PCDHA1: variants seen among roughly 807,000 people sequenced by gnomAD.
PCDHA1 encodes the protein protocadherin alpha-1.
In PCDHA1, 42 loss-of-function variants were observed where a neutral mutation model predicts 61.3. That is an observed-to-expected ratio of 0.69 (90% confidence interval 0.54 to 0.89). PCDHA1 has a LOEUF of 0.89. Among genes scored for constraint, PCDHA1 ranks in the 40% least tolerant of loss-of-function variants. The pLI, the probability that PCDHA1 is intolerant of heterozygous loss-of-function variation, is 0.00. For synonymous variants in PCDHA1, 610 were observed against 553.8 expected (o/e 1.10, Z -1.43); for missense variants, 1,256 against 1,235.3 (o/e 1.02, Z -0.25).
intron 1 of PCDHA1, chr5:140,858,397 CG>C (rs1314612729): frequency 2.5e-6 from 4 of 1,573,068 alleles, no homozygotes; most frequent in African/African-American, 2.7e-5. Context: ...TAGATGTGGA[CG>C]GGGAAGATCA....
Position 140,836,082 on chromosome 5 carries a change from G to A in PCDHA1, c.2394+47398G>A, listed in dbSNP as rs2150252202. On this transcript the variant is annotated intron_variant, in intron 1 of 3. Transcript: ENST00000504120. ...GAACGACAACGCGCCGGCACTGCTG[G>A]CGCCTCGGGTGGGTGGCACTGGTGG... 3.1e-6 allele frequency: 5 copies of A among 1,613,608 alleles called. No homozygotes were observed. The African/African-American group carries it at 5.3e-5, about 17-fold the overall frequency.
chr5:140,787,909 C>A lies in PCDHA1; in HGVS notation c.1619C>A (p.Ala540Glu), dbSNP rs1761411855. 1.2e-5 allele frequency: 19 copies of A among 1,613,468 alleles called. No homozygotes were observed. The highest frequency in any genetic ancestry group is 2.2e-5 in the South Asian group (2 of 91,062). The change falls in exon 1 of 4, where the codon GCG (alanine) becomes GAG (glutamate). Residue 540 changes from alanine (A) to glutamate (E), a missense_variant. Physicochemically the swap from Ala to Glu is moderately radical, Grantham distance 107 (BLOSUM62 -1). Transcript: ENST00000504120. ...CAGTTCCAGGTGAGCGCGCGGGATGCGGGCGTGCCGCCTCTGGGCAGCAAC... is the reference window on the plus strand; with the variant it reads ...CAGTTCCAGGTGAGCGCGCGGGATGAGGGCGTGCCGCCTCTGGGCAGCAAC... ...LLQFQVSARD[A>E]GVPPLGSNVT...
chr5:140,919,201 A>AT (rs1328020690), intron 1 of PCDHA1, among the ~76,000 whole-genome samples: 1 of 152,202 alleles, frequency 6.6e-6, no homozygotes. Flanking sequence ...TTTTGTCATT[A>AT]TAAAATGTCC....
At chr5:141,002,357 C>G (rs2098075744) in intron 3 of PCDHA1, among the ~76,000 whole-genome samples, 2 of 152,246 alleles carry the variant, frequency 1.3e-5, no homozygotes, top group Admixed American at 6.5e-5. Flanking sequence ...ACCTCCACTC[C>G]TTTCAACTCA....
intron 2 of PCDHA1, among the ~76,000 whole-genome samples, chr5:140,981,854 C>T (rs2096954295): frequency 6.6e-6 from 1 of 152,132 alleles, no homozygotes; most frequent in South Asian, 2.1e-4. Flanking sequence ...GTATCTCACT[C>T]CCAGCAATGT....
At chr5:140,906,589 C>T (rs2072764004) in intron 1 of PCDHA1, among the ~76,000 whole-genome samples, 1 of 152,220 alleles carries the variant, frequency 6.6e-6, no homozygotes, top group South Asian at 2.1e-4. Context: ...TGACTACCTT[C>T]CTCTACTACT....
intron 1 of PCDHA1, among the ~76,000 whole-genome samples, chr5:140,937,624 A>G (rs2091636613): frequency 6.6e-6 from 1 of 150,778 alleles, no homozygotes; most frequent in Non-Finnish European, 1.5e-5. Context: ...CTAAAAAGAA[A>G]AAGAAAGGCA....
chr5:140,861,715 C>A, intron 1 of PCDHA1: 1 of 216,886 alleles, frequency 4.6e-6, no homozygotes, highest in South Asian at 7.0e-5. Flanking sequence ...ACGTCGGGGC[C>A]AATGCTCTGA....
In PCDHA1 at chr5:140,846,411, A is replaced by G. The variant is rs2150390591; in HGVS notation, c.2394+57727A>G. On this transcript the variant is annotated intron_variant, in intron 1 of 3. Transcript: ENST00000504120. ...TTTTTTTGAGACGGAGTCTCGCTCT[A>G]TCTCCCAGGCTGGAATGCAGTGGCG... is the stretch of plus-strand genomic sequence containing the variant. Among the ~76,000 whole-genome samples the G allele has an allele frequency of 5.5e-3, 604 of 109,334 alleles. 20 individuals are homozygous for G. The highest frequency in any genetic ancestry group is 0.021 in the African/African-American group (587 of 27,602). 71.7% of individuals were successfully genotyped at this position (109,334 alleles called of 152,430 possible). A position where few individuals can be genotyped will look rare whatever the true frequency, so the allele number is the denominator to read the frequency against.
At chr5:140,802,975 A>C (rs782276594) in intron 1 of PCDHA1, 1 of 1,614,018 alleles carries the variant, frequency 6.2e-7, no homozygotes, top group East Asian at 2.2e-5. Flanking sequence ...GTGGTAGCGA[A>C]GGTGCGCGCA....
intron 1 of PCDHA1, among the ~76,000 whole-genome samples, chr5:140,798,163 C>A (rs1003066026): frequency 6.6e-6 from 1 of 152,152 alleles, no homozygotes; most frequent in Non-Finnish European, 1.5e-5. Flanking sequence ...TGAGCCACTG[C>A]ACCTGGTCTT....
At chr5:140,858,775 A>C (rs2045585315) in intron 1 of PCDHA1, 2 of 422,450 alleles carry the variant, frequency 4.7e-6, no homozygotes, top group Non-Finnish European at 8.6e-6. Context: ...TGAGATTAGT[A>C]CTTCATGTTA....
Position 140,828,183 on chromosome 5 carries a change from T to C in PCDHA1, c.2394+39499T>C, listed in dbSNP as rs2150151991. The C allele has an allele frequency of 1.9e-6, 3 of 1,614,120 alleles. No individual in the cohort carries two copies. The Admixed American group carries it at 5.0e-5, about 27-fold the overall frequency. ...GCCTGGAAGGTGGGGAGCGGCCAGC[T>C]CCACTACTCCGTACCCGAGGAGGCC... On this transcript the variant is annotated intron_variant, in intron 1 of 3. Coordinates refer to ENST00000504120, the MANE Select transcript of PCDHA1 (RefSeq NM_018900.4).
chr5:140,786,491 G>A lies in PCDHA1; in HGVS notation c.201G>A (p.Ala67=), dbSNP rs376604489. ...AELVPRLFRV[A]SKTHRDLLEV... ...TGGTGCCTCGCCTGTTCCGGGTGGCGTCCAAAACACACAGGGACCTTCTGG... is the reference window on the plus strand; with the variant it reads ...TGGTGCCTCGCCTGTTCCGGGTGGCATCCAAAACACACAGGGACCTTCTGG... Residue 67 remains alanine (A), a synonymous_variant, in exon 1 of 4, where the codon GCG becomes GCA. Coordinates refer to ENST00000504120, the MANE Select transcript of PCDHA1 (RefSeq NM_018900.4). 23 of 1,613,660 alleles carry A rather than the reference G, an allele frequency of 1.4e-5. No homozygotes were observed. Among genetic ancestry groups the A allele is most frequent in the Non-Finnish European group, 1.8e-5 (21 of 1,180,032 alleles).
At chr5:140,995,548 C>T (rs1554254718) in intron 3 of PCDHA1, among the ~76,000 whole-genome samples, 2 of 152,200 alleles carry the variant, frequency 1.3e-5, no homozygotes, top group Non-Finnish European at 2.9e-5. Context: ...GGGGCGATCA[C>T]TGTACTGAAT....
intron 1 of PCDHA1, chr5:140,876,526 G>T: frequency 6.2e-7 from 1 of 1,614,164 alleles, no homozygotes; most frequent in Non-Finnish European, 8.5e-7. Context: ...TGAAGTAATG[G>T]TTACTTCACT....
In PCDHA1 at chr5:140,830,129, T is replaced by A. The variant is rs2150181526; in HGVS notation, c.2394+41445T>A. 13 of 1,613,250 alleles carry A rather than the reference T, an allele frequency of 8.1e-6. No homozygotes were observed. In the African/African-American group the frequency reaches 1.7e-4, roughly 22 times the overall value. On this transcript the variant is annotated intron_variant, in intron 1 of 3. Transcript: ENST00000504120. ...GAGTGGCCAGGCTCCAAAGGCGTCA[T>A]CACGGGCGTCGGTGGGCGCCGCGGG...
intron 1 of PCDHA1, among the ~76,000 whole-genome samples, chr5:140,888,673 A>G (rs571585641): frequency 6.6e-6 from 1 of 152,180 alleles, no homozygotes; most frequent in Non-Finnish European, 1.5e-5. Context: ...TGCCCTGTGC[A>G]TTAAGAGGTC....
intron 1 of PCDHA1, among the ~76,000 whole-genome samples, chr5:140,912,858 A>G (rs1554195572): frequency 6.6e-6 from 1 of 152,192 alleles, no homozygotes; most frequent in East Asian, 1.9e-4. Context: ...ATCAATTGAA[A>G]TGATATATGG....
Sources: gnomAD v4.1 joint callset for allele counts (sites outside exome capture counted in the v4.1 genomes callset) on GRCh38, gnomAD v4.1.1 for gene constraint, MANE v1.5 for transcripts, NCBI Gene and HGNC (gene_info 2026-07-23, HGNC 2026-07-21) for gene names.